Variants in EPB41L5 observed in about 807,000 individuals in gnomAD.
EPB41L5 encodes erythrocyte membrane protein band 4.1 like 5.
EPB41L5 carries 55 observed loss-of-function variants against 106.6 expected under a neutral mutation model. The ratio of observed to expected loss-of-function variants is 0.52; its 90% CI spans 0.42 to 0.65. The LOEUF (loss-of-function observed/expected upper bound fraction) is 0.65, where lower values mean the gene tolerates loss of function less well. EPB41L5 is among the 30% of genes least tolerant of loss of function. The probability of loss-of-function intolerance (pLI) is 0.00; values close to 1 mark genes in which losing one functional copy is unlikely to be tolerated. For missense variants in EPB41L5, 871 were observed against 882.1 expected (o/e 0.99, Z 0.16); for synonymous variants, 297 against 306.7 (o/e 0.97, Z 0.33).
At chr2:120,174,815 A>C in intron 24 of EPB41L5, 26 bp from the exon 25 acceptor site, 4 of 1,605,788 alleles carry the variant, frequency 2.5e-6, no homozygotes, top group Non-Finnish European at 3.4e-6. Context: ...GGGTTCCCTG[A>C]GTAACCCATT....
intron 16 of EPB41L5, among the ~76,000 whole-genome samples, chr2:120,112,601 C>T (rs1237887013): frequency 6.6e-6 from 1 of 152,102 alleles, no homozygotes. Flanking sequence ...TCCAGTGAAA[C>T]AGAAAGGAGC....
At position 120,077,213 on chromosome 2, in the gene EPB41L5, T is replaced by C. The variant is rs759807712; in HGVS notation, c.627-16T>C. 9.5e-5 allele frequency: 152 copies of C among 1,596,182 alleles called. No individual in the cohort carries two copies. Among genetic ancestry groups the C allele is most frequent in the Non-Finnish European group, 1.3e-4 (148 of 1,171,780 alleles). ...ATATTTATTGTTACTTTAAAAATCATTGTTTTAAATTTCAGAGGTCAAACA... is the reference window on the plus strand; with the variant it reads ...ATATTTATTGTTACTTTAAAAATCACTGTTTTAAATTTCAGAGGTCAAACA... On this transcript the variant is annotated splice_polypyrimidine_tract_variant and intron_variant, in intron 8 of 24. Transcript: ENST00000263713.
At chr2:120,077,402 C>A in intron 9 of EPB41L5, 86 bp downstream of exon 9, 1 of 1,148,788 alleles carries the variant, frequency 8.7e-7, no homozygotes, top group Non-Finnish European at 1.3e-6. Context: ...TGAGGGAGGG[C>A]ATGGAGTTTG....
At chr2:120,163,258 GCC>G (rs372952438) in intron 21 of EPB41L5, among the ~76,000 whole-genome samples, 1,902 of 87,440 alleles carry the variant, frequency 0.022, 48 homozygotes, top group African/African-American at 0.073. Context: ...GTGTCCCTCT[GCC>G]CCCCCCCCCC....
rs553945892 is a variant in EPB41L5, at chr2:120,086,396, C to G, written c.804-775C>G. Among the ~76,000 whole-genome samples the G allele has an allele frequency of 3.3e-5, 5 of 152,172 alleles. No individual in the cohort carries two copies. In the East Asian group the frequency reaches 9.6e-4, roughly 29 times the overall value. On this transcript the variant is annotated intron_variant, in intron 10 of 24. Coordinates refer to ENST00000263713, the MANE Select transcript of EPB41L5 (RefSeq NM_020909.4). ...TTTGGAATTTACAAGTAGGGAGATA[C>G]AGTTGGAAAGCGGGCCATAAAGCGA...
At chr2:120,019,049 T>C in intron 1 of EPB41L5, 28 bp from the exon 2 acceptor site, 1 of 1,565,434 alleles carries the variant, frequency 6.4e-7, no homozygotes, top group Non-Finnish European at 8.7e-7. Flanking sequence ...TTTTTCCTGA[T>C]GCCATCTTTT....
intron 18 of EPB41L5, among the ~76,000 whole-genome samples, chr2:120,137,018 A>G (rs1447132454): frequency 6.6e-6 from 1 of 152,128 alleles, no homozygotes; most frequent in Admixed American, 6.6e-5. Context: ...AATCATTTCC[A>G]GTATCTTCTC....
At chr2:120,095,006 G>A (rs1450344040) in intron 14 of EPB41L5, among the ~76,000 whole-genome samples, 1 of 152,096 alleles carries the variant, frequency 6.6e-6, no homozygotes, top group Non-Finnish European at 1.5e-5. Flanking sequence ...CTTAAGAAGA[G>A]TATATATTTT....
At chr2:120,137,130 C>T (rs551148157) in intron 18 of EPB41L5, among the ~76,000 whole-genome samples, 6 of 151,958 alleles carry the variant, frequency 3.9e-5, no homozygotes, top group Admixed American at 3.3e-4. Context: ...ACCAGTGGGT[C>T]AATGAAGAAG....
intron 3 of EPB41L5, among the ~76,000 whole-genome samples, chr2:120,049,749 T>C (rs1321587471): frequency 6.6e-6 from 1 of 152,228 alleles, no homozygotes; most frequent in African/African-American, 2.4e-5. Flanking sequence ...ATGCAGTTTC[T>C]TCCTAGCATC....
At chr2:120,050,585 T>C (rs1328291164) in intron 3 of EPB41L5, among the ~76,000 whole-genome samples, 1 of 152,208 alleles carries the variant, frequency 6.6e-6, no homozygotes, top group Non-Finnish European at 1.5e-5. Flanking sequence ...GTTTTTAGCT[T>C]CTTTGTGATG....
At chr2:120,120,498 A>C (rs921729707) in intron 16 of EPB41L5, among the ~76,000 whole-genome samples, 22 of 151,706 alleles carry the variant, frequency 1.5e-4, no homozygotes, top group African/African-American at 5.3e-4. Flanking sequence ...AAGTAGAAGC[A>C]GTTACCAAAA....
intron 20 of EPB41L5, among the ~76,000 whole-genome samples, chr2:120,150,575 C>T (rs1256581492): frequency 6.6e-6 from 1 of 152,114 alleles, no homozygotes; most frequent in Non-Finnish European, 1.5e-5. Context: ...CTCCTAGCCT[C>T]AGGCAATCCT....
chr2:120,079,494 C>G (rs775692603), intron 10 of EPB41L5, among the ~76,000 whole-genome samples: 1 of 152,084 alleles, frequency 6.6e-6, no homozygotes, highest in Non-Finnish European at 1.5e-5. Context: ...GTTTCCTTGC[C>G]CTCCTCCCCA....
chr2:120,016,250 T>C (rs1347897736), intron 1 of EPB41L5, among the ~76,000 whole-genome samples: 1 of 152,016 alleles, frequency 6.6e-6, no homozygotes, highest in Non-Finnish European at 1.5e-5. Flanking sequence ...GCCAACATGG[T>C]GAAACCCAGT....
chr2:120,028,912 C>T (rs1678517437), intron 2 of EPB41L5, among the ~76,000 whole-genome samples: 1 of 152,076 alleles, frequency 6.6e-6, no homozygotes, highest in Non-Finnish European at 1.5e-5. Flanking sequence ...GTTTGAAAGC[C>T]AGATTTTAGA....
At chr2:120,109,849 TAATC>T (rs970811839) in intron 16 of EPB41L5, among the ~76,000 whole-genome samples, 2 of 152,246 alleles carry the variant, frequency 1.3e-5, no homozygotes, top group African/African-American at 4.8e-5. Context: ...GAACCCATTC[TAATC>T]AAACATTGTC....
intron 2 of EPB41L5, among the ~76,000 whole-genome samples, chr2:120,030,864 GTTTAT>G (rs1574487337): frequency 6.6e-6 from 1 of 150,982 alleles, no homozygotes; most frequent in East Asian, 2.0e-4. Context: ...CTCAAATTAT[GTTTAT>G]TTTATTAATT....
Position 120,091,627 on chromosome 2 carries a change from C to G in EPB41L5, c.1116C>G (p.Ser372Arg). 6.2e-7 allele frequency: 1 copy of G among 1,613,764 alleles called. No homozygotes were observed. Among genetic ancestry groups the G allele is most frequent in the Non-Finnish European group, 8.5e-7 (1 of 1,179,772 alleles). ...CAACATCCTTTGAAAGAAGGCCCAG[C>G]AAACGATATTCTAGACGAACTCTAC... Reference protein sequence around the residue: ...RRSTSFERRPSKRYSRRTLQM... With the variant: ...RRSTSFERRPRKRYSRRTLQM... Residue 372 changes from serine (S) to arginine (R), a missense_variant, in exon 13 of 25, where the codon AGC becomes AGG. Physicochemically the swap from Ser to Arg is moderately radical, Grantham distance 110 (BLOSUM62 -1). Transcript: ENST00000263713.
Sources: allele counts gnomAD v4.1 joint callset (sites outside exome capture counted in the v4.1 genomes callset), GRCh38; gene constraint gnomAD v4.1.1; transcripts MANE v1.5; gene names NCBI Gene and HGNC (gene_info 2026-07-23, HGNC 2026-07-21).